The following USP30 variants were observed in gnomAD, a reference collection of about 807,000 sequenced individuals.
USP30 encodes the protein ubiquitin carboxyl-terminal hydrolase 30.
Under a neutral mutation model 68.2 loss-of-function variants are expected in USP30, and 41 were observed. That is an observed-to-expected ratio of 0.60 (90% CI 0.47 to 0.78). USP30 has a LOEUF of 0.78. Ranked by LOEUF, USP30 falls within the 30% of genes least tolerant of loss-of-function variation. The probability of loss-of-function intolerance (pLI) is 0.00; values close to 1 mark genes in which losing one functional copy is unlikely to be tolerated. For synonymous variants in USP30, 229 were observed against 253.7 expected (o/e 0.90, Z 0.93); for missense variants, 522 against 649.4 (o/e 0.80, Z 2.13).
upstream of USP30, chr12:109,052,421 C>A (rs2040688826): frequency 2.7e-6 from 1 of 369,968 alleles, no homozygotes; most frequent in Non-Finnish European, 4.8e-6. Flanking sequence ...CAGCCCCAGG[C>A]AACTGAGCCC....
intron 3 of USP30, among the ~76,000 whole-genome samples, chr12:109,061,417 T>C (rs1404268012): frequency 6.6e-6 from 1 of 151,678 alleles, no homozygotes; most frequent in Non-Finnish European, 1.5e-5. Flanking sequence ...AAAATTTTTT[T>C]TTTTTTTTAG....
chr12:109,082,627 A>G, intron 9 of USP30, 36 bp from the exon 10 acceptor site: 1 of 1,602,770 alleles, frequency 6.2e-7, no homozygotes, highest in African/African-American at 1.3e-5. Context: ...GTCCTATTTT[A>G]GGCATTGCTG....
intron 3 of USP30, among the ~76,000 whole-genome samples, chr12:109,040,272 C>T (rs1202498966): frequency 6.6e-6 from 1 of 152,074 alleles, no homozygotes; most frequent in Non-Finnish European, 1.5e-5. Flanking sequence ...ATTAGGGAAG[C>T]TTGTCAAAAT....
chr12:109,056,637 T>C (rs1282679470), intron 1 of USP30, 45 bp from the exon 2 acceptor site: 2 of 1,427,056 alleles, frequency 1.4e-6, no homozygotes, highest in Non-Finnish European at 1.9e-6. Context: ...TATTTGCCTT[T>C]TGTGTTTGTG....
Position 109,073,535 on chromosome 12 carries a change from A to G in USP30, c.720+3A>G. On this transcript the variant is annotated splice_donor_region_variant and intron_variant, in intron 7 of 12. Transcript: ENST00000257548. ...TCTGCAAACACTGTGAACACCAGGT[A>G]AATACAATACCAACACTTGATATTT... The G allele has an allele frequency of 6.2e-7, 1 of 1,606,942 alleles. No homozygotes were observed. The highest frequency in any genetic ancestry group is 8.5e-7 in the Non-Finnish European group (1 of 1,173,418).
intron 3 of USP30, among the ~76,000 whole-genome samples, chr12:109,039,907 C>G (rs144879645): frequency 3.3e-5 from 5 of 152,116 alleles, no homozygotes; most frequent in African/African-American, 1.2e-4. Flanking sequence ...CCACACCTGG[C>G]CAGCCATTTT....
At position 109,025,518 on chromosome 12, in the gene USP30, T is replaced by A. The variant is rs57270629; in HGVS notation, c.-228+446T>A. On this transcript the variant is annotated intron_variant, in intron 2 of 15. Transcript: ENST00000392784. ...TGAAGGATAAGAAAAATAGATGGTA[T>A]TGGGAAAAACTAAATCCTCCTCAAG... Among the ~76,000 whole-genome samples, 17 of 152,176 alleles carry A rather than the reference T, an allele frequency of 1.1e-4. No individual in the cohort carries two copies. The East Asian group carries it at 3.3e-3, about 29-fold the overall frequency.
At chr12:109,067,107 ATTTTTT>A (rs754748366) in intron 3 of USP30, among the ~76,000 whole-genome samples, 9 of 104,568 alleles carry the variant, frequency 8.6e-5, no homozygotes, top group Admixed American at 2.3e-4. Context: ...ACAGTCCTTA[ATTTTTT>A]TTTTTTTTTT....
At chr12:109,074,253 A>T (rs924020450) in intron 7 of USP30, among the ~76,000 whole-genome samples, 1 of 152,206 alleles carries the variant, frequency 6.6e-6, no homozygotes, top group African/African-American at 2.4e-5. Context: ...TGGATCTACA[A>T]CATTTTTATC....
At chr12:109,045,472 AG>A (rs1200237179) in intron 3 of USP30, among the ~76,000 whole-genome samples, 13 of 152,248 alleles carry the variant, frequency 8.5e-5, no homozygotes, top group African/African-American at 3.1e-4. Flanking sequence ...TCCCAGCCTG[AG>A]GGCTCAGGTC....
chr12:109,054,222 C>G (rs1478729808), intron 1 of USP30, among the ~76,000 whole-genome samples: 1 of 152,138 alleles, frequency 6.6e-6, no homozygotes, highest in African/African-American at 2.4e-5. Flanking sequence ...TAAGAAACTT[C>G]AAGAATACCT....
At chr12:109,056,315 C>T (rs1429896653) in intron 1 of USP30, among the ~76,000 whole-genome samples, 1 of 152,184 alleles carries the variant, frequency 6.6e-6, no homozygotes, top group Admixed American at 6.5e-5. Flanking sequence ...GCCTCAGCCT[C>T]CCGAGTAGCT....
intron 3 of USP30, among the ~76,000 whole-genome samples, chr12:109,043,259 A>G (rs1462973017): frequency 6.6e-6 from 1 of 152,166 alleles, no homozygotes; most frequent in Non-Finnish European, 1.5e-5. Flanking sequence ...ATTCGTGTGG[A>G]CTCTCAAGGG....
At chr12:109,064,750 GAAAGT>G (rs936567580) in intron 3 of USP30, among the ~76,000 whole-genome samples, 10 of 152,300 alleles carry the variant, frequency 6.6e-5, no homozygotes, top group African/African-American at 2.2e-4. Flanking sequence ...GCTGGATTGA[GAAAGT>G]AAAATTGCTG....
At chr12:109,085,643 C>A (rs773960762) in intron 12 of USP30, 24 bp from the exon 13 acceptor site, 2 of 1,610,392 alleles carry the variant, frequency 1.2e-6, no homozygotes, top group East Asian at 2.2e-5. Flanking sequence ...TTGTAAACCC[C>A]TGACATGTGT....
intron 3 of USP30, among the ~76,000 whole-genome samples, chr12:109,058,504 G>A (rs532240817): frequency 1.1e-4 from 17 of 151,934 alleles, no homozygotes; most frequent in Admixed American, 6.6e-4. Flanking sequence ...CCCGGGAGGC[G>A]GAGGTTGCGG....
intron 8 of USP30, chr12:109,081,623 G>GCGCGCACACACA (rs886662557): frequency 1.0e-4 from 50 of 500,636 alleles, no homozygotes; most frequent in South Asian, 8.0e-4. Flanking sequence ...ACGCATGCGC[G>GCGCGCACACACA]CACACACACA....
chr12:109,063,619 T>C (rs956390123), intron 3 of USP30, among the ~76,000 whole-genome samples: 5 of 152,240 alleles, frequency 3.3e-5, no homozygotes, highest in Non-Finnish European at 7.4e-5. Context: ...GAGGAGCTGC[T>C]GTGCTGTTTT....
intron 3 of USP30, among the ~76,000 whole-genome samples, chr12:109,044,472 T>G (rs2040586621): frequency 6.6e-6 from 1 of 151,878 alleles, no homozygotes; most frequent in South Asian, 2.1e-4. Flanking sequence ...ACCCCATCTC[T>G]ACAAAAAAAG....
Sources: gnomAD v4.1 joint callset for allele counts (sites outside exome capture counted in the v4.1 genomes callset) on GRCh38, gnomAD v4.1.1 for gene constraint, MANE v1.5 for transcripts, NCBI Gene and HGNC (gene_info 2026-07-23, HGNC 2026-07-21) for gene names.